The following SPAG17 variants were observed in gnomAD, a reference collection of about 807,000 sequenced individuals.
SPAG17 encodes sperm associated antigen 17.
Under a neutral mutation model 273.6 loss-of-function variants are expected in SPAG17, and 169 were observed. The ratio of observed to expected loss-of-function variants is 0.62; its 90% CI spans 0.55 to 0.70. SPAG17 has a LOEUF of 0.70. Among genes scored for constraint, SPAG17 ranks in the 30% least tolerant of loss-of-function variants. The probability of loss-of-function intolerance (pLI) is 0.00; values close to 1 mark genes in which losing one functional copy is unlikely to be tolerated. For missense variants in SPAG17, 2,557 were observed against 2,627.8 expected, an observed-to-expected ratio of 0.97 and a Z score of 0.59; for synonymous variants, 825 against 873.2, an observed-to-expected ratio of 0.94 and a Z score of 0.97.
At chr1:118,065,479 C>T (rs1401534037) in intron 18 of SPAG17, among the ~76,000 whole-genome samples, 1 of 152,072 alleles carries the variant, frequency 6.6e-6, no homozygotes, top group Non-Finnish European at 1.5e-5. Flanking sequence ...AATCTCAATA[C>T]TAAAACCAAA....
At chr1:118,111,592 A>ACACACACACACACACACAC (rs1656764012) in intron 4 of SPAG17, among the ~76,000 whole-genome samples, 4 of 151,412 alleles carry the variant, frequency 2.6e-5, no homozygotes, top group African/African-American at 9.7e-5. Context: ...ACACACACAC[A>ACACACACACACACACACAC]AATGGCATTA....
chr1:118,069,224 A>G (rs570556524), intron 17 of SPAG17, among the ~76,000 whole-genome samples: 3 of 152,082 alleles, frequency 2.0e-5, no homozygotes, highest in African/African-American at 4.8e-5. Flanking sequence ...ACGTGCCTAT[A>G]GTCCCAGCTA....
intron 1 of SPAG17, among the ~76,000 whole-genome samples, chr1:118,155,817 G>T (rs992934789): frequency 2.0e-5 from 3 of 152,098 alleles, no homozygotes; most frequent in African/African-American, 4.8e-5. Flanking sequence ...AAATGGACAG[G>T]GATTTGTGAA....
chr1:118,155,001 C>A (rs1659576741), intron 1 of SPAG17, among the ~76,000 whole-genome samples: 1 of 152,046 alleles, frequency 6.6e-6, no homozygotes, highest in African/African-American at 2.4e-5. Flanking sequence ...ACCGAAAGCA[C>A]CTTAGGAAAT....
At chr1:118,039,688 T>C (rs1174260728) in intron 22 of SPAG17, among the ~76,000 whole-genome samples, 1 of 152,124 alleles carries the variant, frequency 6.6e-6, no homozygotes, top group Admixed American at 6.6e-5. Context: ...TGCCGAGTAC[T>C]CTGTTTATTA....
At position 118,101,671 on chromosome 1, in the gene SPAG17, A is replaced by G. The variant is rs779760542; in HGVS notation, c.634+69T>C. The G allele has an allele frequency of 1.3e-5, 19 of 1,465,034 alleles. No homozygotes were observed. The Admixed American group carries it at 1.6e-4, about 12-fold the overall frequency. 90.8% of individuals were successfully genotyped at this position (1,465,034 alleles called of 1,614,324 possible). A position where few individuals can be genotyped will look rare whatever the true frequency, so the allele number is the denominator to read the frequency against. ...GCGCTCTATGTGAGTCACCAAATTA[A>G]CTGGTCTCATTTTATTGCCACTGTG... On this transcript the variant is annotated intron_variant, in intron 5 of 48. Coordinates refer to ENST00000336338, the MANE Select transcript of SPAG17 (RefSeq NM_206996.4).
At chr1:118,041,744 T>G in intron 21 of SPAG17, 59 bp downstream of exon 21, 1 of 1,558,842 alleles carries the variant, frequency 6.4e-7, no homozygotes, top group South Asian at 1.3e-5. Flanking sequence ...ATAACCGTAT[T>G]TTCCCAAAAC....
chr1:117,962,360 TAGTC>T (rs996617818), intron 48 of SPAG17: 72 of 152,336 alleles, frequency 4.7e-4, no homozygotes, highest in African/African-American at 1.7e-3. Context: ...TTCATTGCCT[TAGTC>T]AGCCATTGGC....
chr1:118,001,564 C>G (rs1179867367), intron 32 of SPAG17, among the ~76,000 whole-genome samples: 1 of 152,048 alleles, frequency 6.6e-6, no homozygotes, highest in Admixed American at 6.6e-5. Flanking sequence ...TGTATGTGTC[C>G]AGGAATTTAT....
chr1:118,070,455 A>T (rs1057445281), intron 17 of SPAG17, among the ~76,000 whole-genome samples: 48 of 152,152 alleles, frequency 3.2e-4, no homozygotes, highest in African/African-American at 1.1e-3. Context: ...CCTATCTCCC[A>T]CTCTAGCAGA....
At chr1:118,019,354 T>G (rs1660287486) in intron 28 of SPAG17, among the ~76,000 whole-genome samples, 1 of 151,832 alleles carries the variant, frequency 6.6e-6, no homozygotes, top group East Asian at 1.9e-4. Flanking sequence ...TAACTGAAAT[T>G]TAAAAAATTA....
At chr1:118,060,813 ATGTGTTCCTT>A (rs1571374474) in intron 18 of SPAG17, among the ~76,000 whole-genome samples, 2 of 151,992 alleles carry the variant, frequency 1.3e-5, no homozygotes, top group African/African-American at 4.8e-5. Context: ...TGTGTTATAA[ATGTGTTCCTT>A]TGGTCACATT....
intron 25 of SPAG17, among the ~76,000 whole-genome samples, chr1:118,030,156 A>G (rs908091104): frequency 1.3e-5 from 2 of 152,144 alleles, no homozygotes; most frequent in Non-Finnish European, 2.9e-5. Context: ...ATTTTTACTT[A>G]ACAAGAGTCA....
Position 118,081,149 on chromosome 1 carries a change from A to G in SPAG17, c.2161T>C (p.Leu721=), listed in dbSNP as rs746276078. 2.2e-5 allele frequency: 35 copies of G among 1,613,924 alleles called. No individual in the cohort carries two copies. Among genetic ancestry groups the G allele is most frequent in the Non-Finnish European group, 3.0e-5 (35 of 1,179,954 alleles). The part of the protein sequence containing the change: ...KLSVPDNRQL[L]EQESIMKAQP... ...GCCTTCATGATGCTCTCCTGCTCTA[A>G]CAGCTGTCTATTATCAGGGACTGAG... The change falls in exon 15 of 49, where the codon TTA becomes CTA. Residue 721 remains leucine, a synonymous_variant. Coordinates refer to ENST00000336338, the MANE Select transcript of SPAG17 (RefSeq NM_206996.4).
chr1:118,094,466 A>G (rs1207642175), intron 7 of SPAG17, among the ~76,000 whole-genome samples: 1 of 152,126 alleles, frequency 6.6e-6, no homozygotes, highest in East Asian at 1.9e-4. Flanking sequence ...ACCTTGGTTC[A>G]ACAGAAATAT....
At chr1:118,148,410 C>T (rs950005970) in intron 3 of SPAG17, among the ~76,000 whole-genome samples, 1 of 152,206 alleles carries the variant, frequency 6.6e-6, no homozygotes, top group African/African-American at 2.4e-5. Flanking sequence ...CTGCAAGGTG[C>T]TAGCTCAGGT....
rs1239169630 is a variant in SPAG17, at chr1:118,147,519, A to G, written c.315+3024T>C. Among the ~76,000 whole-genome samples, 4 of 152,192 alleles carry G rather than the reference A, an allele frequency of 2.6e-5. No homozygotes were observed. The East Asian group carries it at 5.8e-4, about 22-fold the overall frequency. Reference sequence around the variant, plus strand: ...CACATGAGTTCTTGAAACAGTTCCTAGTAGAGCAAAACATGCTTTCCAAAA... The same window carrying G: ...CACATGAGTTCTTGAAACAGTTCCTGGTAGAGCAAAACATGCTTTCCAAAA... On this transcript the variant is annotated intron_variant, in intron 3 of 48. Transcript: ENST00000336338.
At chr1:118,081,715 A>C (rs1654589665) in intron 13 of SPAG17, 73 bp from the exon 14 acceptor site, 2 of 1,247,428 alleles carry the variant, frequency 1.6e-6, no homozygotes, top group Middle Eastern at 1.9e-4. Flanking sequence ...CAGAGGGATA[A>C]CCAGGGAGTC....
intron 20 of SPAG17, among the ~76,000 whole-genome samples, chr1:118,053,688 T>A (rs1253230364): frequency 1.3e-5 from 2 of 151,910 alleles, no homozygotes; most frequent in Admixed American, 1.3e-4. Flanking sequence ...TATATGTATA[T>A]CTCAAAGTGG....
Sources: gnomAD v4.1 joint callset for allele counts (sites outside exome capture counted in the v4.1 genomes callset) on GRCh38, gnomAD v4.1.1 for gene constraint, MANE v1.5 for transcripts, NCBI Gene and HGNC (gene_info 2026-07-23, HGNC 2026-07-21) for gene names.